HSPA9: variants seen among roughly 807,000 people sequenced by gnomAD.
HSPA9 encodes the protein stress-70 protein, mitochondrial.
HSPA9 carries 28 observed loss-of-function variants against 81.5 expected under a neutral mutation model. The observed-to-expected ratio is 0.34, with a 90% CI of 0.25 to 0.47. The LOEUF (loss-of-function observed/expected upper bound fraction) is 0.47. Among genes scored for constraint, HSPA9 ranks in the 20% least tolerant of loss-of-function variants. The pLI is 1.00. For missense variants in HSPA9, 678 were observed against 838.0 expected (o/e 0.81, Z 2.36); for synonymous variants, 293 against 290.4 (o/e 1.01, Z -0.09).
chr5:138,569,661 G>GA (rs1389732756), intron 4 of HSPA9, among the ~76,000 whole-genome samples: 2 of 152,104 alleles, frequency 1.3e-5, no homozygotes, highest in Non-Finnish European at 2.9e-5. Context: ...CATGCATACA[G>GA]AATTCATATT....
intron 10 of HSPA9, among the ~76,000 whole-genome samples, chr5:138,560,545 G>T (rs1284478669): frequency 6.6e-6 from 1 of 150,976 alleles, no homozygotes; most frequent in South Asian, 2.1e-4. Context: ...GAATAGTATC[G>T]GGGATACTTT....
At position 138,556,517 on chromosome 5, in the gene HSPA9, T is replaced by C. The variant is rs1476434682; in HGVS notation, c.1897A>G (p.Ile633Val). ...TGAAGAGAGGATGCTGCCTGTCTAA[T>C]ATTTTCTCCTGTTTCGCTGTCTTTT... Reference protein sequence around the residue: ...ARKDSETGENIRQAASSLQQA... With the variant: ...ARKDSETGENVRQAASSLQQA... The change falls in exon 16 of 17, where the codon ATT becomes GTT. Residue 633 changes from isoleucine (I) to valine (V), a missense_variant. This residue lies in a region of HSPA9 where 100 missense variants were observed against 99.5 expected (regional missense o/e 1.00). Coordinates refer to ENST00000297185, the MANE Select transcript of HSPA9 (RefSeq NM_004134.7). 1 of 1,614,138 alleles carries C rather than the reference T, an allele frequency of 6.2e-7. No individual in the cohort carries two copies. The highest frequency in any genetic ancestry group is 8.5e-7 in the Non-Finnish European group (1 of 1,179,998).
chr5:138,560,678 A>T, intron 10 of HSPA9: 1 of 220,904 alleles, frequency 4.5e-6, no homozygotes, highest in East Asian at 1.2e-4. Context: ...CTCCTACCTC[A>T]GCCTCCCAAG....
At chr5:138,559,033 A>G (rs1561857142) in intron 11 of HSPA9, 1 of 239,412 alleles carries the variant, frequency 4.2e-6, no homozygotes, top group Non-Finnish European at 8.4e-6. Context: ...CAAATACATC[A>G]CGGCACAAAT....
rs1212182881 is a variant in HSPA9 at position 138,559,973 on chromosome 5, T to C, written c.1301A>G (p.Asp434Gly). 6.2e-7 allele frequency: 1 copy of C among 1,614,096 alleles called. No homozygotes were observed. The highest frequency in any genetic ancestry group is 1.7e-5 in the Admixed American group (1 of 60,014). The change falls in exon 11 of 17, where the codon GAT becomes GGT. Residue 434 changes from aspartate to glycine, a missense_variant. Asp to Gly is a moderately conservative substitution (Grantham distance 94). This residue lies in a region of HSPA9 where 484 missense variants were observed against 647.5 expected (regional missense o/e 0.75). Transcript: ENST00000297185. ...QGGVLAGDVTDVLLLDVTPLS... is the reference protein window; with the variant it reads ...QGGVLAGDVTGVLLLDVTPLS... ...GGGAGTGACATCAAGGAGCAGCACA[T>C]CCGTGACATCGCCGGCCAACACACC...
chr5:138,567,899 A>G (rs1750798977), intron 5 of HSPA9, among the ~76,000 whole-genome samples, 177 bp from the exon 6 acceptor site: 1 of 152,174 alleles, frequency 6.6e-6, no homozygotes, highest in Admixed American at 6.5e-5. Context: ...AAAACCCAAG[A>G]TCAGGCCGGG....
At position 138,566,730 on chromosome 5, in the gene HSPA9, A is replaced by C. The variant is rs1203229250; in HGVS notation, c.880-12T>G. The C allele has an allele frequency of 2.5e-6, 4 of 1,600,084 alleles. No homozygotes were observed. Among genetic ancestry groups the C allele is most frequent in the Non-Finnish European group, 2.6e-6 (3 of 1,167,296 alleles). The stretch of plus-strand genomic sequence containing the variant: ...AAATCAACCCCTGTCTATAAAGTGA[A>C]GACATTGAACACCAAACACCAGCAT... On this transcript the variant is annotated splice_polypyrimidine_tract_variant and intron_variant, in intron 8 of 16. Transcript: ENST00000297185.
At chr5:138,573,511 A>T (rs1212684038) in intron 3 of HSPA9, among the ~76,000 whole-genome samples, 1 of 151,900 alleles carries the variant, frequency 6.6e-6, no homozygotes, top group Non-Finnish European at 1.5e-5. Flanking sequence ...ATTAGCCAGG[A>T]ATGGTGGTTC....
chr5:138,568,469 T>C (rs376091964), intron 5 of HSPA9, among the ~76,000 whole-genome samples: 3 of 152,168 alleles, frequency 2.0e-5, no homozygotes, highest in Non-Finnish European at 4.4e-5. Context: ...ATTGTGCCAC[T>C]GCACTCCAGC....
chr5:138,572,391 G>A (rs957178459), intron 3 of HSPA9, among the ~76,000 whole-genome samples: 2 of 152,176 alleles, frequency 1.3e-5, no homozygotes, highest in African/African-American at 4.8e-5. Flanking sequence ...GGTGGGAATG[G>A]CTTGCACTGT....
At chr5:138,565,240 C>T (rs1750738670) in intron 9 of HSPA9, among the ~76,000 whole-genome samples, 1 of 152,184 alleles carries the variant, frequency 6.6e-6, no homozygotes, top group African/African-American at 2.4e-5. Flanking sequence ...GAATTATCTT[C>T]TGGCAGTGCC....
In HSPA9 at chr5:138,566,899, A is replaced by G. The variant is rs1750778196; in HGVS notation, c.879+102T>C. 6.2e-6 allele frequency: 8 copies of G among 1,289,776 alleles called. No homozygotes were observed. In the South Asian group the frequency reaches 9.5e-5, roughly 15 times the overall value. 79.9% of individuals were successfully genotyped at this position (1,289,776 alleles called of 1,614,324 possible). On this transcript the variant is annotated intron_variant, in intron 8 of 16. Coordinates refer to ENST00000297185, the MANE Select transcript of HSPA9 (RefSeq NM_004134.7). ...TCTGAAAAGAGTATCTGTGTCTAGA[A>G]TAAGGGGGTTGAACTGAACTCGTAA... is the stretch of plus-strand genomic sequence containing the variant.
intron 4 of HSPA9, among the ~76,000 whole-genome samples, chr5:138,569,279 T>C (rs954754619): frequency 1.3e-5 from 2 of 152,176 alleles, no homozygotes. Flanking sequence ...ATAAAAACAT[T>C]ATGATGAAAC....
chr5:138,574,693 C>T (rs1169404489), intron 1 of HSPA9: 1 of 163,256 alleles, frequency 6.1e-6, no homozygotes. Flanking sequence ...TTTTAGAAAA[C>T]AAGTAACCAC....
rs548008229 is a variant in HSPA9, at chr5:138,554,670, T to G, written c.*1367A>C. Among the ~76,000 whole-genome samples the G allele has an allele frequency of 1.3e-5, 2 of 152,374 alleles. No homozygotes were observed. The highest frequency in any genetic ancestry group is 4.1e-4 in the South Asian group (2 of 4,830). On this transcript the variant is annotated 3_prime_UTR_variant, in exon 17 of 17. Transcript: ENST00000297185. ...AAAGGAGCCATTGTGTCTGATATTC[T>G]AAGCCCATCTTGATAACAGACTCTT...
At position 138,566,690 on chromosome 5, in the gene HSPA9, A is replaced by G; in HGVS notation, c.908T>C (p.Met303Thr). ...AGCTTCCCGTACCCTCTGAAGTGCC[A>G]TGTTGTCTTTAGTCAAATCAACCCC... is the stretch of plus-strand genomic sequence containing the variant. ...ETGVDLTKDNMALQRVREAAE... is the reference protein window; with the variant it reads ...ETGVDLTKDNTALQRVREAAE... Residue 303 changes from methionine to threonine, a missense_variant, in exon 9 of 17, where the codon ATG becomes ACG. Around this residue, in one of 4 missense-constraint regions of HSPA9, gnomAD observed 484 missense variants for 647.5 expected, o/e 0.75. Transcript: ENST00000297185. 6.2e-7 allele frequency: 1 copy of G among 1,614,042 alleles called. No individual in the cohort carries two copies. The highest frequency in any genetic ancestry group is 8.5e-7 in the Non-Finnish European group (1 of 1,179,888).
At chr5:138,562,810 C>T (rs955157080) in intron 9 of HSPA9, among the ~76,000 whole-genome samples, 12 of 152,192 alleles carry the variant, frequency 7.9e-5, no homozygotes, top group African/African-American at 2.9e-4. Context: ...ATGCCATTAA[C>T]CCTGGGCTCT....
At position 138,570,947 on chromosome 5, in the gene HSPA9, T is replaced by C. The variant is rs755721518; in HGVS notation, c.410+13A>G. On this transcript the variant is annotated intron_variant, in intron 4 of 16. Transcript: ENST00000297185. ...ATAACTGCTTTTTGCAAAAAACTTTTGCTGTTACTCACATGTCTTTCTGTA... is the reference window on the plus strand; with the variant it reads ...ATAACTGCTTTTTGCAAAAAACTTTCGCTGTTACTCACATGTCTTTCTGTA... 1 of 1,613,884 alleles carries C rather than the reference T, an allele frequency of 6.2e-7. No homozygotes were observed. Among genetic ancestry groups the C allele is most frequent in the African/African-American group, 1.3e-5 (1 of 75,040 alleles).
intron 3 of HSPA9, among the ~76,000 whole-genome samples, chr5:138,573,047 C>T (rs1441266586): frequency 6.6e-6 from 1 of 152,148 alleles, no homozygotes; most frequent in African/African-American, 2.4e-5. Context: ...AGGTGTGTGC[C>T]ACTACGCCCA....
Sources: gnomAD v4.1 joint callset for allele counts (sites outside exome capture counted in the v4.1 genomes callset) on GRCh38, gnomAD v4.1.1 for gene constraint, gnomAD v4.1.1 regional missense constraint, MANE v1.5 for transcripts, NCBI Gene and HGNC (gene_info 2026-07-23, HGNC 2026-07-21) for gene names.